Variants in CDH8 observed in about 807,000 individuals in gnomAD.
CDH8 encodes the protein cadherin 8, also known as cadherin-8.
A neutral mutation model predicts 68.1 loss-of-function variants in CDH8; 17 were observed. That is an observed-to-expected ratio of 0.25 (90% CI 0.17 to 0.37). The LOEUF is 0.37. CDH8 is among the 10% of genes least tolerant of loss of function. The probability of loss-of-function intolerance (pLI) is 1.00; values close to 1 mark genes in which losing one functional copy is unlikely to be tolerated. For missense variants in CDH8, 763 were observed against 999.3 expected (o/e 0.76, Z 3.19); for synonymous variants, 372 against 365.1 (o/e 1.02, Z -0.21).
intron 10 of CDH8, among the ~76,000 whole-genome samples, chr16:61,690,094 G>A (rs1964188763): frequency 6.6e-6 from 1 of 152,022 alleles, no homozygotes; most frequent in Non-Finnish European, 1.5e-5. Context: ...AACATATGTT[G>A]AATAGTGAGT....
intron 10 of CDH8, among the ~76,000 whole-genome samples, chr16:61,703,702 G>T (rs555280174): frequency 6.2e-4 from 94 of 152,168 alleles, no homozygotes; most frequent in Non-Finnish European, 1.2e-3. Context: ...TTAGCCGGGC[G>T]TGGTGGCAGC....
intron 2 of CDH8, among the ~76,000 whole-genome samples, chr16:61,978,944 C>T (rs1012491147): frequency 1.3e-4 from 19 of 150,812 alleles, no homozygotes; most frequent in South Asian, 2.1e-4. Context: ...AGTGGAGAAC[C>T]GCAGGCAAAT....
chr16:61,859,311 C>T (rs1963107832), intron 3 of CDH8, among the ~76,000 whole-genome samples: 2 of 152,090 alleles, frequency 1.3e-5, no homozygotes, highest in South Asian at 2.1e-4. Context: ...GTAAAACCTT[C>T]TAGGTAAAAG....
chr16:61,923,523 T>G (rs1434007172), intron 2 of CDH8, among the ~76,000 whole-genome samples: 1 of 151,906 alleles, frequency 6.6e-6, no homozygotes. Context: ...AAAGTCAAAT[T>G]TATTTTGCTT....
intron 2 of CDH8, among the ~76,000 whole-genome samples, chr16:62,008,201 C>T (rs1375723697): frequency 6.6e-6 from 1 of 152,036 alleles, no homozygotes; most frequent in East Asian, 1.9e-4. Flanking sequence ...CCTCCCAAAG[C>T]ACTGGGATTA....
At chr16:61,972,655 C>T (rs962518934) in intron 2 of CDH8, among the ~76,000 whole-genome samples, 3 of 150,686 alleles carry the variant, frequency 2.0e-5, no homozygotes, top group African/African-American at 7.3e-5. Context: ...ATAACCTTCT[C>T]CATGAAAATG....
intron 9 of CDH8, among the ~76,000 whole-genome samples, chr16:61,715,684 T>C (rs937699981): frequency 6.6e-6 from 1 of 151,670 alleles, no homozygotes; most frequent in African/African-American, 2.4e-5. Flanking sequence ...AATGCAATTA[T>C]ATTTACTGTA....
intron 2 of CDH8, among the ~76,000 whole-genome samples, chr16:61,975,646 T>C (rs888132763): frequency 2.0e-5 from 3 of 152,214 alleles, no homozygotes; most frequent in Non-Finnish European, 4.4e-5. Context: ...ATTTTCATTG[T>C]AGTAAATAGT....
chr16:61,678,193 T>C (rs1963949324), intron 10 of CDH8, among the ~76,000 whole-genome samples: 2 of 152,024 alleles, frequency 1.3e-5, no homozygotes, highest in African/African-American at 4.8e-5. Context: ...ACAATGTATA[T>C]CTTACATGTG....
chr16:61,672,346 C>A (rs1176218471), intron 10 of CDH8, among the ~76,000 whole-genome samples: 2 of 152,004 alleles, frequency 1.3e-5, no homozygotes, highest in East Asian at 1.9e-4. Context: ...TTTTGAATAT[C>A]ATAGTAGACA....
At chr16:61,823,711 G>T (rs1210212541) in intron 5 of CDH8, among the ~76,000 whole-genome samples, 1 of 151,776 alleles carries the variant, frequency 6.6e-6, no homozygotes, top group Non-Finnish European at 1.5e-5. Context: ...TAGGATAAAG[G>T]TCCTCATAGG....
chr16:61,853,116 T>G (rs1962975357), intron 4 of CDH8, among the ~76,000 whole-genome samples: 1 of 152,074 alleles, frequency 6.6e-6, no homozygotes, highest in Non-Finnish European at 1.5e-5. Context: ...CTGATTTTGT[T>G]AAAGCTCAAA....
At chr16:61,793,827 AC>A (rs561847779) in intron 7 of CDH8, among the ~76,000 whole-genome samples, 20 of 152,180 alleles carry the variant, frequency 1.3e-4, no homozygotes, top group African/African-American at 4.8e-4. Flanking sequence ...AGGAATCACC[AC>A]ACTGCCTTCC....
chr16:61,797,115 G>C (rs1269456345), intron 7 of CDH8, among the ~76,000 whole-genome samples: 1 of 151,934 alleles, frequency 6.6e-6, no homozygotes, highest in Non-Finnish European at 1.5e-5. Flanking sequence ...ACTTACATTA[G>C]ATTTTTTGTT....
chr16:61,747,655 C>A (rs991406679), intron 8 of CDH8, among the ~76,000 whole-genome samples: 2 of 151,694 alleles, frequency 1.3e-5, no homozygotes, highest in African/African-American at 2.4e-5. Flanking sequence ...GAAAAACCTG[C>A]TAGAGGTTTA....
At chr16:61,903,841 A>G (rs1597054386) in intron 2 of CDH8, among the ~76,000 whole-genome samples, 1 of 152,170 alleles carries the variant, frequency 6.6e-6, no homozygotes, top group South Asian at 2.1e-4. Flanking sequence ...TTCATATCAC[A>G]TTCAGTCATA....
At chr16:61,752,858 C>A (rs1056080803) in intron 8 of CDH8, among the ~76,000 whole-genome samples, 4 of 152,158 alleles carry the variant, frequency 2.6e-5, no homozygotes, top group African/African-American at 9.7e-5. Flanking sequence ...AAGGCACATA[C>A]ACAAATAACA....
chr16:61,692,391 C>T (rs1224866855), intron 10 of CDH8: 3 of 152,092 alleles, frequency 2.0e-5, no homozygotes, highest in East Asian at 3.9e-4. Flanking sequence ...TATTATATTG[C>T]TATTTTTTAA....
chr16:61,698,755 T>C (rs2142844679), intron 10 of CDH8, among the ~76,000 whole-genome samples: 1 of 152,326 alleles, frequency 6.6e-6, no homozygotes, highest in Non-Finnish European at 1.5e-5. Context: ...TGAGTTACAC[T>C]GAATCTCCTC....
Sources: allele counts gnomAD v4.1 joint callset (sites outside exome capture counted in the v4.1 genomes callset), GRCh38; gene constraint gnomAD v4.1.1; transcripts MANE v1.5; gene names NCBI Gene and HGNC (gene_info 2026-07-23, HGNC 2026-07-21).